ZNF532: variants seen among roughly 807,000 people sequenced by gnomAD.
ZNF532 encodes the protein zinc finger protein 532.
A neutral mutation model predicts 89.3 loss-of-function variants in ZNF532; 22 were observed. That is an observed-to-expected ratio of 0.25 (90% CI 0.18 to 0.35). The LOEUF is 0.35. ZNF532 is among the 10% of genes least tolerant of loss of function. The pLI is 1.00. For synonymous variants in ZNF532, 606 were observed against 649.6 expected (o/e 0.93, Z 1.02); for missense variants, 1,132 against 1,643.4 (o/e 0.69, Z 5.38).
intron 2 of ZNF532, among the ~76,000 whole-genome samples, chr18:58,917,305 T>C (rs978413509): frequency 6.6e-6 from 1 of 152,142 alleles, no homozygotes; most frequent in African/African-American, 2.4e-5. Flanking sequence ...TTATTTGACA[T>C]TTATGCTAGA....
intron 2 of ZNF532, among the ~76,000 whole-genome samples, chr18:58,888,890 T>TATATATATA (rs1568249226): frequency 8.7e-5 from 3 of 34,410 alleles, no homozygotes; most frequent in African/African-American, 4.3e-4. Context: ...ATATATATAT[T>TATATATATA]TTATATATAT....
At chr18:58,967,253 C>T (rs895422628) in intron 7 of ZNF532, among the ~76,000 whole-genome samples, 10 of 152,090 alleles carry the variant, frequency 6.6e-5, no homozygotes, top group African/African-American at 2.2e-4. Flanking sequence ...AAGCTTTCCC[C>T]GATAGACCCT....
intron 2 of ZNF532, among the ~76,000 whole-genome samples, chr18:58,903,488 A>G (rs2059728894): frequency 6.6e-6 from 1 of 152,038 alleles, no homozygotes; most frequent in African/African-American, 2.4e-5. Flanking sequence ...GAGGCTGGAG[A>G]CAGGGAGAAC....
chr18:58,874,951 C>T (rs932113908), intron 2 of ZNF532, among the ~76,000 whole-genome samples: 4 of 152,106 alleles, frequency 2.6e-5, no homozygotes, highest in African/African-American at 9.7e-5. Context: ...TCTGGAACTA[C>T]TCTGTTCAGT....
chr18:58,961,100 T>C (rs1040694665), intron 7 of ZNF532, among the ~76,000 whole-genome samples: 12 of 152,158 alleles, frequency 7.9e-5, no homozygotes, highest in African/African-American at 2.9e-4. Context: ...TTCCCAAGAT[T>C]GGAGTGTGCG....
rs184268855 is a variant in ZNF532 at position 58,957,194 on chromosome 18, C to T, written c.3150+3395C>T. 1.6e-3 allele frequency among the ~76,000 whole-genome samples: 247 copies of T among 152,064 alleles called. 1 individual carries two copies. Among genetic ancestry groups the T allele is most frequent in the African/African-American group, 4.8e-3 (200 of 41,488 alleles). On this transcript the variant is annotated intron_variant, in intron 7 of 9. Transcript: ENST00000591808. ...TAAGATGAGATATCAATATGAAATA[C>T]GCTATACACATATAAGGGTTCAAAA... is the stretch of plus-strand genomic sequence containing the variant.
intron 7 of ZNF532, among the ~76,000 whole-genome samples, chr18:58,965,106 C>A (rs1238573735): frequency 6.6e-6 from 1 of 151,480 alleles, no homozygotes; most frequent in African/African-American, 2.4e-5. Context: ...CTGAAGTCCT[C>A]CACTTGATTT....
intron 7 of ZNF532, chr18:58,964,365 C>A (rs1375057581): frequency 6.6e-6 from 1 of 152,098 alleles, no homozygotes; most frequent in African/African-American, 2.4e-5. Context: ...TCTCTTCTAT[C>A]TCTGGTTGAC....
At chr18:58,907,151 A>G (rs2059980322) in intron 2 of ZNF532, among the ~76,000 whole-genome samples, 1 of 151,998 alleles carries the variant, frequency 6.6e-6, no homozygotes, top group Non-Finnish European at 1.5e-5. Flanking sequence ...TTCAGATATG[A>G]CCATTAAGGC....
At chr18:58,901,024 G>T (rs1391258600) in intron 2 of ZNF532, among the ~76,000 whole-genome samples, 1 of 152,134 alleles carries the variant, frequency 6.6e-6, no homozygotes, top group Non-Finnish European at 1.5e-5. Flanking sequence ...CTTGTTTCAT[G>T]GGCAGTCCTT....
At chr18:58,888,276 C>T (rs1012538518) in intron 2 of ZNF532, among the ~76,000 whole-genome samples, 20 of 152,024 alleles carry the variant, frequency 1.3e-4, no homozygotes, top group Admixed American at 1.2e-3. Flanking sequence ...ATATTAAATC[C>T]GTTAACTCCA....
intron 5 of ZNF532, among the ~76,000 whole-genome samples, chr18:58,946,890 G>A (rs1436505605): frequency 6.6e-6 from 1 of 152,054 alleles, no homozygotes; most frequent in African/African-American, 2.4e-5. Flanking sequence ...TGTAACTTTG[G>A]ACAGAGAATT....
chr18:58,934,316 A>G (rs2062190705), intron 3 of ZNF532, 117 bp from the exon 4 acceptor site: 3 of 949,818 alleles, frequency 3.2e-6, no homozygotes, highest in South Asian at 1.7e-5. Context: ...CTTAGAATCA[A>G]TTACTGTAGT....
chr18:58,911,951 G>T (rs934009831), intron 2 of ZNF532, among the ~76,000 whole-genome samples: 22 of 152,168 alleles, frequency 1.4e-4, no homozygotes, highest in African/African-American at 5.3e-4. Flanking sequence ...GGGGGAGGTT[G>T]AGCTTTCAGA....
Position 58,953,510 on chromosome 18 carries a change from T to C in ZNF532, c.2869-8T>C. ...GTGATAGATATTTCTTTTCTTTTTA[T>C]AATGTAGTCTATGCATGGAACATTG... is the stretch of plus-strand genomic sequence containing the variant. On this transcript the variant is annotated splice_polypyrimidine_tract_variant and splice_region_variant and intron_variant, in intron 6 of 9. Coordinates refer to ENST00000591808, the MANE Select transcript of ZNF532 (RefSeq NM_001375912.1). 1.3e-6 allele frequency: 2 copies of C among 1,593,762 alleles called. No individual in the cohort carries two copies. The highest frequency in any genetic ancestry group is 1.7e-6 in the Non-Finnish European group (2 of 1,171,932).
intron 2 of ZNF532, among the ~76,000 whole-genome samples, chr18:58,879,547 C>A (rs1315771961): frequency 3.3e-5 from 5 of 152,228 alleles, no homozygotes; most frequent in Non-Finnish European, 7.4e-5. Context: ...TGCCACCACG[C>A]CCGGCTAATA....
intron 2 of ZNF532, among the ~76,000 whole-genome samples, chr18:58,891,170 C>T (rs561978285): frequency 2.0e-5 from 3 of 152,100 alleles, no homozygotes; most frequent in South Asian, 2.1e-4. Context: ...CTGCCTGCCT[C>T]GGCCTCCCAA....
intron 7 of ZNF532, among the ~76,000 whole-genome samples, chr18:58,957,195 G>T (rs1341586712): frequency 6.6e-6 from 1 of 152,062 alleles, no homozygotes; most frequent in South Asian, 2.1e-4. Context: ...TATGAAATAC[G>T]CTATACACAT....
Position 58,984,028 on chromosome 18 carries a change from A to G in ZNF532, c.3468A>G (p.Arg1156=). ...EEPVLEFRPP[R]GAITQPLKKL... ...CAGTTCTGGAGTTCAGGCCTCCCCGAGGAGCAATCACTCAACCACTGAAAA... is the reference window on the plus strand; with the variant it reads ...CAGTTCTGGAGTTCAGGCCTCCCCGGGGAGCAATCACTCAACCACTGAAAA... The change falls in exon 10 of 10, where the codon CGA becomes CGG. Residue 1156 remains arginine, a synonymous_variant. Transcript: ENST00000591808. The G allele has an allele frequency of 6.2e-7, 1 of 1,611,848 alleles. No homozygotes were observed. Among genetic ancestry groups the G allele is most frequent in the Non-Finnish European group, 8.5e-7 (1 of 1,179,824 alleles).
Sources: gnomAD v4.1 joint callset for allele counts (sites outside exome capture counted in the v4.1 genomes callset) on GRCh38, gnomAD v4.1.1 for gene constraint, MANE v1.5 for transcripts, NCBI Gene and HGNC (gene_info 2026-07-23, HGNC 2026-07-21) for gene names.